The following PTPRG variants were observed in gnomAD, a reference collection of about 807,000 sequenced individuals.
PTPRG encodes the protein protein tyrosine phosphatase receptor type G.
In PTPRG, 102 loss-of-function variants were observed where a neutral mutation model predicts 165.3. The ratio of observed to expected loss-of-function variants is 0.62; its 90% CI spans 0.53 to 0.73. The LOEUF is 0.73. PTPRG is among the 30% of genes least tolerant of loss of function. The pLI, the probability that PTPRG is intolerant of heterozygous loss-of-function variation, is 0.00. For missense variants in PTPRG, 1,866 were observed against 1,861.4 expected, an observed-to-expected ratio of 1.00 and a Z score of -0.05; for synonymous variants, 675 against 669.5, an observed-to-expected ratio of 1.01 and a Z score of -0.13.
rs1457113413 is a variant in PTPRG at position 61,989,879 on chromosome 3, C to T, written c.370+75C>T. ...GGATGTCTCTGGTGTTTTCCTTAAC[C>T]ATGACTTGCTCCTTAAATAGTGCAC... On this transcript the variant is annotated intron_variant, in intron 3 of 29. Coordinates refer to ENST00000474889, the MANE Select transcript of PTPRG (RefSeq NM_002841.4). The T allele has an allele frequency of 2.6e-6, 4 of 1,514,756 alleles. No individual in the cohort carries two copies. In the African/African-American group the frequency reaches 4.1e-5, roughly 16 times the overall value. The allele number at this position is 1,514,756 out of a possible 1,614,324, so 93.8% of individuals were successfully genotyped here.
At chr3:61,937,526 A>G (rs1352209332) in intron 2 of PTPRG, among the ~76,000 whole-genome samples, 1 of 152,162 alleles carries the variant, frequency 6.6e-6, no homozygotes, top group African/African-American at 2.4e-5. Flanking sequence ...GGCTGATCGT[A>G]TTTTCATTAT....
chr3:62,274,547 C>T (rs1180856753), intron 23 of PTPRG, among the ~76,000 whole-genome samples: 3 of 152,088 alleles, frequency 2.0e-5, no homozygotes, highest in Non-Finnish European at 2.9e-5. Flanking sequence ...TTCTATTTTG[C>T]ACATTGTTCT....
At chr3:61,847,334 G>A (rs1299582430) in intron 2 of PTPRG, among the ~76,000 whole-genome samples, 2 of 152,136 alleles carry the variant, frequency 1.3e-5, no homozygotes, top group Admixed American at 6.5e-5. Context: ...ATCAGCCCAC[G>A]GGAAACTTCA....
chr3:61,959,085 G>A (rs962234806), intron 2 of PTPRG, among the ~76,000 whole-genome samples: 1 of 152,160 alleles, frequency 6.6e-6, no homozygotes, highest in South Asian at 2.1e-4. Flanking sequence ...TGATTATCAA[G>A]CTTTTTGTTC....
chr3:61,935,297 G>GT (rs796101958), intron 2 of PTPRG, among the ~76,000 whole-genome samples: 84 of 152,296 alleles, frequency 5.5e-4, no homozygotes, highest in African/African-American at 1.9e-3. Context: ...AGTTTTGCAA[G>GT]TAACAGATGG....
intron 2 of PTPRG, among the ~76,000 whole-genome samples, chr3:61,912,199 A>G (rs2038818219): frequency 6.6e-6 from 1 of 152,114 alleles, no homozygotes. Context: ...AGTCAGCTTT[A>G]GAAATACCCC....
chr3:61,642,635 C>T (rs2106956757), intron 1 of PTPRG, among the ~76,000 whole-genome samples: 1 of 152,300 alleles, frequency 6.6e-6, no homozygotes, highest in Admixed American at 6.5e-5. Context: ...TCTATCTACA[C>T]TCTTTGGGGA....
Position 62,050,285 on chromosome 3 carries a change from G to C in PTPRG, c.520-27878G>C, listed in dbSNP as rs1325591828. 2.6e-5 allele frequency among the ~76,000 whole-genome samples: 4 copies of C among 152,274 alleles called. No individual in the cohort carries two copies. In the East Asian group the frequency reaches 7.7e-4, roughly 29 times the overall value. On this transcript the variant is annotated intron_variant, in intron 4 of 29. Transcript: ENST00000474889. ...ATTTTTACTGTACCTGTTCTGTCTAGATATGTTTAGATACCGAAATACTTA... is the reference window on the plus strand; with the variant it reads ...ATTTTTACTGTACCTGTTCTGTCTACATATGTTTAGATACCGAAATACTTA...
intron 28 of PTPRG, among the ~76,000 whole-genome samples, chr3:62,290,724 AAAAAT>A (rs748588745): frequency 1.2e-4 from 18 of 152,266 alleles, no homozygotes; most frequent in Non-Finnish European, 2.2e-4. Context: ...TATCCAATGG[AAAAAT>A]AAAATAACTG....
intron 2 of PTPRG, among the ~76,000 whole-genome samples, chr3:61,859,602 T>G: frequency 7.1e-6 from 1 of 140,764 alleles, no homozygotes; most frequent in East Asian, 2.4e-4. Context: ...CTTGGTTTGA[T>G]AGTCCATAGT....
chr3:62,216,887 C>G (rs1020222873), intron 12 of PTPRG, among the ~76,000 whole-genome samples: 3 of 152,190 alleles, frequency 2.0e-5, no homozygotes, highest in East Asian at 1.9e-4. Flanking sequence ...TTCCCCAACT[C>G]TCTGTTTGGC....
At chr3:62,006,759 T>C (rs1461733879) in intron 4 of PTPRG, among the ~76,000 whole-genome samples, 1 of 152,118 alleles carries the variant, frequency 6.6e-6, no homozygotes, top group Non-Finnish European at 1.5e-5. Context: ...AGAAGTGTTA[T>C]GGTATTACTT....
At chr3:62,093,643 C>T (rs1167875595) in intron 5 of PTPRG, among the ~76,000 whole-genome samples, 2 of 152,186 alleles carry the variant, frequency 1.3e-5, no homozygotes, top group African/African-American at 4.8e-5. Context: ...ACAAGGCCTG[C>T]CTGGCCTATC....
intron 6 of PTPRG, among the ~76,000 whole-genome samples, chr3:62,155,615 A>G (rs1203243158): frequency 1.3e-5 from 2 of 152,258 alleles, no homozygotes; most frequent in Non-Finnish European, 2.9e-5. Flanking sequence ...AGTGCCTGGC[A>G]TATAGGCGAA....
chr3:62,267,286 A>G (rs184860815), intron 17 of PTPRG, 124 bp from the exon 18 acceptor site: 11 of 722,070 alleles, frequency 1.5e-5, no homozygotes, highest in African/African-American at 1.2e-4. Flanking sequence ...TTGTTCTGCC[A>G]AAAGTTTTCT....
chr3:62,015,069 T>C (rs1328670292), intron 4 of PTPRG, among the ~76,000 whole-genome samples: 1 of 152,252 alleles, frequency 6.6e-6, no homozygotes, highest in African/African-American at 2.4e-5. Context: ...AGCTTTTCTT[T>C]CAGCCATGAT....
rs1181029044 is a variant in PTPRG, at chr3:62,219,950, A to C, written c.2288+967A>C. ...GATAATGGAGAAAGCTTAAATCTGG[A>C]AAGGGGAGGGGCCCATGGGGGCCTA... On this transcript the variant is annotated intron_variant, in intron 13 of 29. Coordinates refer to ENST00000474889, the MANE Select transcript of PTPRG (RefSeq NM_002841.4). The surrounding 1 kb of genome is among the most constrained non-coding windows in gnomAD (Gnocchi z 4.5). Among the ~76,000 whole-genome samples, 1 of 152,224 alleles carries C rather than the reference A, an allele frequency of 6.6e-6. No homozygotes were observed. Among genetic ancestry groups the C allele is most frequent in the Non-Finnish European group, 1.5e-5 (1 of 68,034 alleles).
intron 2 of PTPRG, among the ~76,000 whole-genome samples, chr3:61,887,036 A>G (rs2038056106): frequency 6.7e-6 from 1 of 150,082 alleles, no homozygotes; most frequent in South Asian, 2.1e-4. Flanking sequence ...GTGCGCCACT[A>G]GTAAGAGGAA....
chr3:61,789,558 A>G (rs2034811512), intron 2 of PTPRG, among the ~76,000 whole-genome samples: 1 of 152,232 alleles, frequency 6.6e-6, no homozygotes, highest in African/African-American at 2.4e-5. Context: ...TGCTGGAACA[A>G]TGAGGACAAA....
Sources: gnomAD v4.1 joint callset for allele counts (sites outside exome capture counted in the v4.1 genomes callset) on GRCh38, gnomAD v4.1.1 for gene constraint, Gnocchi (gnomAD v3.1) non-coding constraint, MANE v1.5 for transcripts, NCBI Gene and HGNC (gene_info 2026-07-23, HGNC 2026-07-21) for gene names.